The following DAZL variants were observed in gnomAD, a reference collection of about 807,000 sequenced individuals.
DAZL encodes deleted in azoospermia-like.
Under a neutral mutation model 45.0 loss-of-function variants are expected in DAZL, and 4 were observed. That is an observed-to-expected ratio of 0.09 (90% CI 0.04 to 0.20). The LOEUF is 0.20. Ranked by LOEUF, DAZL falls within the 10% of genes least tolerant of loss-of-function variation. The pLI is 1.00. For missense variants in DAZL, 326 were observed against 351.3 expected, an observed-to-expected ratio of 0.93 and a Z score of 0.58; for synonymous variants, 122 against 112.4, an observed-to-expected ratio of 1.09 and a Z score of -0.54.
intron 3 of DAZL, 72 bp from the exon 4 acceptor site, chr3:16,597,613 G>T: frequency 1.1e-6 from 1 of 927,480 alleles, no homozygotes; most frequent in Non-Finnish European, 1.8e-6. Flanking sequence ...TACTATATAC[G>T]GAAGTGATCA....
intron 10 of DAZL, among the ~76,000 whole-genome samples, chr3:16,591,260 G>A (rs1171469115): frequency 6.6e-6 from 1 of 151,926 alleles, no homozygotes; most frequent in Non-Finnish European, 1.5e-5. Flanking sequence ...GATTTTTCTG[G>A]AATTCAACTA....
rs751527395 is a variant in DAZL at position 16,592,077 on chromosome 3, A to G, written c.807T>C (p.Ser269=). 1.2e-6 allele frequency: 2 copies of G among 1,613,760 alleles called. No homozygotes were observed. Among genetic ancestry groups the G allele is most frequent in the Non-Finnish European group, 1.7e-6 (2 of 1,179,724 alleles). ...LFNPENRLRN[S]VVTQDDYFKD... The stretch of plus-strand genomic sequence containing the variant: ...TGAAGTAGTCATCTTGAGTAACAAC[A>G]GAGTTTCTCAGTCTGTTCTCTGGAT... Residue 269 remains serine, a synonymous_variant, in exon 10 of 11, where the codon TCT becomes TCC. Coordinates refer to ENST00000399444, the MANE Select transcript of DAZL (RefSeq NM_001351.4).
intron 1 of DAZL, among the ~76,000 whole-genome samples, chr3:16,601,774 A>C (rs1694693429): frequency 6.6e-6 from 1 of 152,220 alleles, no homozygotes; most frequent in Admixed American, 6.5e-5. Context: ...GGTGAGCTTC[A>C]AGACCATCAT....
At chr3:16,604,858 G>T (rs1468215709) in intron 1 of DAZL, 6 of 717,688 alleles carry the variant, frequency 8.4e-6, no homozygotes, top group Non-Finnish European at 1.1e-5. Flanking sequence ...GCAGTCGGGG[G>T]TGGGGAACCC....
intron 1 of DAZL, among the ~76,000 whole-genome samples, chr3:16,599,586 G>C (rs909449190): frequency 6.6e-6 from 1 of 152,100 alleles, no homozygotes; most frequent in African/African-American, 2.4e-5. Flanking sequence ...CACCAAATCA[G>C]TCCCACTGAT....
chr3:16,595,166 G>A (rs2254783), intron 7 of DAZL, 148 bp downstream of exon 7: 71,588 of 499,060 alleles, frequency 0.14, 6,899 homozygotes, highest in East Asian at 0.41. Flanking sequence ...AAATAATAAA[G>A]AGGTCTTAAT....
At chr3:16,588,996 T>C (rs1435906170) in intron 10 of DAZL, among the ~76,000 whole-genome samples, 1 of 152,168 alleles carries the variant, frequency 6.6e-6, no homozygotes, top group Non-Finnish European at 1.5e-5. Flanking sequence ...TATCATTTTA[T>C]GTACTTCTTA....
intron 1 of DAZL, chr3:16,604,840 G>C: frequency 1.2e-6 from 1 of 839,678 alleles, no homozygotes; most frequent in Non-Finnish European, 1.8e-6. Flanking sequence ...GAGTGGGGGC[G>C]GGGTGGGGCA....
At chr3:16,593,158 G>A (rs1575416513) in intron 9 of DAZL, among the ~76,000 whole-genome samples, 1 of 152,126 alleles carries the variant, frequency 6.6e-6, no homozygotes, top group South Asian at 2.1e-4. Flanking sequence ...GAATTCTTGA[G>A]GAAACCTTCC....
At chr3:16,598,782 T>C (rs1220260353) in intron 1 of DAZL, among the ~76,000 whole-genome samples, 184 bp from the exon 2 acceptor site, 2 of 143,234 alleles carry the variant, frequency 1.4e-5, no homozygotes, top group African/African-American at 5.6e-5. Context: ...TGAAAGGATA[T>C]AGTACTTTTT....
Position 16,594,444 on chromosome 3 carries a change from A to G in DAZL, c.621+89T>C, listed in dbSNP as rs550502166. ...AAACTATTTAAAAATATAGGCATAT[A>G]TGACATGGAAAACAATCAAGAAATA... On this transcript the variant is annotated intron_variant, in intron 8 of 10. Coordinates refer to ENST00000399444, the MANE Select transcript of DAZL (RefSeq NM_001351.4). The G allele has an allele frequency of 6.9e-4, 682 of 983,626 alleles. 17 individuals carry two copies. The South Asian group carries it at 0.01, about 15-fold the overall frequency. The allele number at this position is 983,626 out of a possible 1,614,324, so 60.9% of individuals were successfully genotyped here. A position where few individuals can be genotyped will look rare whatever the true frequency, so the allele number is the denominator to read the frequency against.
chr3:16,598,793 T>G (rs1443750536), intron 1 of DAZL, among the ~76,000 whole-genome samples, 195 bp from the exon 2 acceptor site: 1 of 145,170 alleles, frequency 6.9e-6, no homozygotes, highest in Non-Finnish European at 1.5e-5. Flanking sequence ...AGTACTTTTT[T>G]TTTTTTTTTG....
intron 1 of DAZL, chr3:16,604,795 G>C (rs957174206): frequency 4.5e-6 from 6 of 1,343,270 alleles, no homozygotes; most frequent in Admixed American, 3.2e-5. Flanking sequence ...GGGAGTGGGG[G>C]AGGGGCGGAG....
At chr3:16,605,124 T>C (rs1222342810) in intron 1 of DAZL, 79 bp downstream of exon 1, 5 of 1,580,718 alleles carry the variant, frequency 3.2e-6, no homozygotes, top group African/African-American at 2.7e-5. Context: ...GACTTCACTT[T>C]CCGACCCTGC....
chr3:16,603,474 G>T (rs780713356), intron 1 of DAZL, among the ~76,000 whole-genome samples: 15 of 151,784 alleles, frequency 9.9e-5, no homozygotes, highest in Non-Finnish European at 2.1e-4. Context: ...AGCCTCCCGA[G>T]TAGCTGGGAT....
At position 16,598,435 on chromosome 3, in the gene DAZL, AG is replaced by A; in HGVS notation, c.150+16del. On this transcript the variant is annotated intron_variant, in intron 2 of 10. Coordinates refer to ENST00000399444, the MANE Select transcript of DAZL (RefSeq NM_001351.4). ...CATAATGCATTTCAAGGTAAAAATG[AG>A]GTATGAATACAATACCCTAACATCA... 26 of 1,604,832 alleles carry A rather than the reference AG, an allele frequency of 1.6e-5. No homozygotes were observed. The highest frequency in any genetic ancestry group is 2.2e-5 in the Non-Finnish European group (26 of 1,175,156).
intron 3 of DAZL, 78 bp from the exon 4 acceptor site, chr3:16,597,619 GATC>G (rs773791982): frequency 3.8e-5 from 33 of 874,698 alleles, no homozygotes; most frequent in Non-Finnish European, 4.9e-5. Context: ...ATACGGAAGT[GATC>G]ATGACTAAAA....
chr3:16,588,945 G>T (rs1180243082), intron 10 of DAZL, among the ~76,000 whole-genome samples: 7 of 151,742 alleles, frequency 4.6e-5, no homozygotes, highest in Non-Finnish European at 1.0e-4. Context: ...TAAAAAAAAA[G>T]AAATCCCATT....
intron 6 of DAZL, among the ~76,000 whole-genome samples, chr3:16,596,112 T>A (rs1694596118): frequency 1.3e-5 from 2 of 152,024 alleles, no homozygotes; most frequent in Non-Finnish European, 2.9e-5. Flanking sequence ...GAAGAACTAT[T>A]TCACTCCTGT....
Sources: allele counts gnomAD v4.1 joint callset (sites outside exome capture counted in the v4.1 genomes callset), GRCh38; gene constraint gnomAD v4.1.1; transcripts MANE v1.5; gene names NCBI Gene and HGNC (gene_info 2026-07-23, HGNC 2026-07-21).